The following PEBP4 variants were observed in gnomAD, a reference collection of about 807,000 sequenced individuals.
PEBP4 encodes the protein phosphatidylethanolamine binding protein 4.
PEBP4 carries 22 observed loss-of-function variants against 23.9 expected under a neutral mutation model. That is an observed-to-expected ratio of 0.92 (90% CI 0.66 to 1.31). The LOEUF is 1.31. Among genes scored for constraint, PEBP4 ranks in the 40% most tolerant of loss-of-function variants. PEBP4 has a pLI of 0.00. For synonymous variants in PEBP4, 112 were observed against 99.3 expected (o/e 1.13, Z -0.76); for missense variants, 324 against 281.7 (o/e 1.15, Z -1.07).
chr8:22,774,639 T>G (rs972620362), intron 4 of PEBP4, among the ~76,000 whole-genome samples: 3 of 152,262 alleles, frequency 2.0e-5, no homozygotes, highest in Non-Finnish European at 4.4e-5. Context: ...CCAGCTGAAG[T>G]TGCTGACCCT....
chr8:22,877,286 A>G (rs1808140564), intron 3 of PEBP4, among the ~76,000 whole-genome samples: 1 of 152,174 alleles, frequency 6.6e-6, no homozygotes, highest in Non-Finnish European at 1.5e-5. Flanking sequence ...TGGAATAGAA[A>G]GATGATGGGG....
chr8:22,921,476 G>A (rs755604615), intron 2 of PEBP4, among the ~76,000 whole-genome samples: 1 of 152,224 alleles, frequency 6.6e-6, no homozygotes, highest in Non-Finnish European at 1.5e-5. Flanking sequence ...AGTAGGCCAA[G>A]AGCAGCTTCC....
chr8:22,806,566 G>A (rs2128759754), intron 4 of PEBP4, among the ~76,000 whole-genome samples: 1 of 144,710 alleles, frequency 6.9e-6, no homozygotes, highest in East Asian at 2.0e-4. Context: ...AATGAGCCGA[G>A]ATCATGCCAC....
At chr8:22,924,590 G>A in intron 2 of PEBP4, 1 of 908,014 alleles carries the variant, frequency 1.1e-6, no homozygotes, top group Non-Finnish European at 1.3e-6. Flanking sequence ...AAGAGCAGCA[G>A]GGCCTCGGGG....
chr8:22,728,529 CTTCT>C (rs1468941935), intron 4 of PEBP4, among the ~76,000 whole-genome samples: 1 of 146,886 alleles, frequency 6.8e-6, no homozygotes, highest in African/African-American at 2.6e-5. Context: ...TGCTGGCTTG[CTTCT>C]TTCTTCCTTC....
intron 1 of PEBP4, among the ~76,000 whole-genome samples, chr8:22,935,029 T>C (rs1006584421): frequency 1.1e-4 from 17 of 152,202 alleles, no homozygotes; most frequent in Admixed American, 1.3e-4. Flanking sequence ...AAGGGCATTG[T>C]ATATTGATAA....
At chr8:22,895,434 G>A (rs1281772265) in intron 3 of PEBP4, 1 of 152,160 alleles carries the variant, frequency 6.6e-6, no homozygotes, top group Non-Finnish European at 1.5e-5. Flanking sequence ...CTTTGGTGAG[G>A]GGGACACCGG....
chr8:22,775,330 C>T lies in PEBP4; in HGVS notation c.357+42307G>A, dbSNP rs746741495. 3.9e-5 allele frequency among the ~76,000 whole-genome samples: 6 copies of T among 152,230 alleles called. No homozygotes were observed. Among genetic ancestry groups the T allele is most frequent in the East Asian group, 1.9e-4 (1 of 5,182 alleles). ...GGGCAATGGGAAGGCCGTCAGGGCC[C>T]GTCTGCCAGGGAGAAGCCTCCGGGT... On this transcript the variant is annotated intron_variant, in intron 4 of 6. Coordinates refer to ENST00000256404, the MANE Select transcript of PEBP4 (RefSeq NM_144962.3). The surrounding 1 kb of genome is among the most constrained non-coding windows in gnomAD (Gnocchi z 4.8).
intron 4 of PEBP4, among the ~76,000 whole-genome samples, chr8:22,812,614 G>A (rs1457354127): frequency 2.0e-5 from 3 of 152,138 alleles, no homozygotes; most frequent in Non-Finnish European, 2.9e-5. Context: ...TGGCAAAACT[G>A]CAAATACAGC....
chr8:22,746,597 C>A (rs936143351), intron 4 of PEBP4, among the ~76,000 whole-genome samples: 2 of 151,924 alleles, frequency 1.3e-5, no homozygotes, highest in African/African-American at 4.8e-5. Context: ...CCCTCCCCTC[C>A]TTTGTTCCGC....
intron 4 of PEBP4, among the ~76,000 whole-genome samples, chr8:22,728,861 G>A (rs1020757457): frequency 6.6e-6 from 1 of 152,164 alleles, no homozygotes; most frequent in African/African-American, 2.4e-5. Context: ...GGCTCCCAAA[G>A]TGCTGGGATT....
At chr8:22,802,438 A>G (rs892514918) in intron 4 of PEBP4, among the ~76,000 whole-genome samples, 1 of 150,950 alleles carries the variant, frequency 6.6e-6, no homozygotes, top group Non-Finnish European at 1.5e-5. Flanking sequence ...CTGCTAGCTG[A>G]CTCCTTCTCC....
chr8:22,788,287 C>T (rs1386858803), intron 4 of PEBP4, among the ~76,000 whole-genome samples: 5 of 151,888 alleles, frequency 3.3e-5, no homozygotes, highest in Non-Finnish European at 7.4e-5. Context: ...TGCATGTTTC[C>T]ATCAGAAAGT....
At chr8:22,928,966 C>A (rs969816663), upstream of PEBP4, among the ~76,000 whole-genome samples, 3 of 152,194 alleles carry the variant, frequency 2.0e-5, no homozygotes, top group Non-Finnish European at 4.4e-5. Context: ...TTAGGGGCTA[C>A]ATATTAAACA....
intron 4 of PEBP4, chr8:22,747,708 A>T (rs1805156307): frequency 6.6e-6 from 1 of 152,204 alleles, no homozygotes; most frequent in Non-Finnish European, 1.5e-5. Context: ...GGCTTAAAGA[A>T]TTCACAGTGG....
intron 3 of PEBP4, among the ~76,000 whole-genome samples, chr8:22,870,146 T>A (rs1807980167): frequency 6.6e-6 from 1 of 152,198 alleles, no homozygotes; most frequent in African/African-American, 2.4e-5. Context: ...CACAAAAACC[T>A]GCACACAGAT....
At chr8:22,859,075 C>G (rs1585310305) in intron 3 of PEBP4, among the ~76,000 whole-genome samples, 2 of 152,244 alleles carry the variant, frequency 1.3e-5, no homozygotes, top group East Asian at 3.8e-4. Context: ...AAAAACCCAA[C>G]ATGCGGAATT....
At chr8:22,825,219 C>T (rs1254499470) in intron 3 of PEBP4, among the ~76,000 whole-genome samples, 16 of 152,232 alleles carry the variant, frequency 1.1e-4, no homozygotes, top group Admixed American at 1.0e-3. Context: ...TATTCAAGAG[C>T]TTAGCCCTTA....
intron 3 of PEBP4, among the ~76,000 whole-genome samples, chr8:22,879,725 C>A (rs934420169): frequency 6.6e-6 from 1 of 152,148 alleles, no homozygotes; most frequent in Non-Finnish European, 1.5e-5. Context: ...GGCCTTAAGG[C>A]ACACACACGC....
Sources: gnomAD v4.1 joint callset for allele counts (sites outside exome capture counted in the v4.1 genomes callset) on GRCh38, gnomAD v4.1.1 for gene constraint, Gnocchi (gnomAD v3.1) non-coding constraint, MANE v1.5 for transcripts, NCBI Gene and HGNC (gene_info 2026-07-23, HGNC 2026-07-21) for gene names.